Variants in METTL26 observed in about 807,000 individuals in gnomAD.
METTL26 encodes the protein methyltransferase like 26, also known as methyltransferase-like 26.
Under a neutral mutation model 24.7 loss-of-function variants are expected in METTL26, and 28 were observed. The observed-to-expected ratio is 1.13, with a 90% CI of 0.84 to 1.55. METTL26 has a LOEUF of 1.55. Among genes scored for constraint, METTL26 ranks in the 40% most tolerant of loss-of-function variants. The pLI is 0.00. For missense variants in METTL26, 344 were observed against 281.2 expected (o/e 1.22, Z -1.60); for synonymous variants, 165 against 125.2 (o/e 1.32, Z -2.12).
rs1330998977 is a variant in METTL26, at chr16:634,967, G to A, written c.421-11C>T. 3 of 1,594,630 alleles carry A rather than the reference G, an allele frequency of 1.9e-6. No homozygotes were observed. The highest frequency in any genetic ancestry group is 1.1e-5 in the South Asian group (1 of 88,422). ...ATTGATGGCATAGGGCTGTGGGCAT[G>A]GGGACACAGCCCACTGGACCAAGGT... On this transcript the variant is annotated splice_polypyrimidine_tract_variant and intron_variant, in intron 3 of 5. Transcript: ENST00000301686.
chr16:636,078 G>A lies in METTL26; in HGVS notation c.197+16C>T, dbSNP rs1383488501. 3 of 1,406,856 alleles carry A rather than the reference G, an allele frequency of 2.1e-6. No homozygotes were observed. The highest frequency in any genetic ancestry group is 2.8e-6 in the Non-Finnish European group (3 of 1,088,186). The allele number at this position is 1,406,856 out of a possible 1,614,324, so 87.1% of individuals were successfully genotyped here. A position where few individuals can be genotyped will look rare whatever the true frequency, so the allele number is the denominator to read the frequency against. ...GACCGCCGCACCGATAGAAGTGGCC[G>A]CCCCGGGGGCCGCACCTGTCCAGGC... On this transcript the variant is annotated intron_variant, in intron 1 of 5. Transcript: ENST00000301686.
At chr16:635,078 G>A (rs1315696307) in intron 3 of METTL26, 122 bp from the exon 4 acceptor site, 8 of 1,521,598 alleles carry the variant, frequency 5.3e-6, no homozygotes, top group African/African-American at 2.8e-5. Context: ...CCCCAAGAGG[G>A]AGTCAGCCAA....
rs1216499794 is a variant in METTL26, at chr16:635,305, G to T, written c.396C>A (p.Pro132=). 6.3e-7 allele frequency: 1 copy of T among 1,598,624 alleles called. No individual in the cohort carries two copies. The highest frequency in any genetic ancestry group is 2.3e-5 in the East Asian group (1 of 44,300). ...LFRAAGHLLK[P]RALLITYGPY... is the part of the protein sequence containing the mutation. ...CCCCGTAGGTGATGAGCAGGGCCCT[G>T]GGTTTGAGCAGGTGTCCTGCTGCTC... The change falls in exon 3 of 6, where the codon CCC becomes CCA. Residue 132 remains proline, a synonymous_variant. Transcript: ENST00000301686.
rs772923286 is a variant in METTL26, at chr16:635,311, G to A, written c.390C>T (p.Leu130=). 6 of 1,599,500 alleles carry A rather than the reference G, an allele frequency of 3.8e-6. No individual in the cohort carries two copies. The highest frequency in any genetic ancestry group is 5.1e-6 in the Non-Finnish European group (6 of 1,173,244). Residue 130 remains leucine (L), a synonymous_variant, in exon 3 of 6, where the codon CTC becomes CTT. Transcript: ENST00000301686. ...EGLFRAAGHL[L]KPRALLITYG... is the part of the protein sequence containing the mutation. ...AGGTGATGAGCAGGGCCCTGGGTTT[G>A]AGCAGGTGTCCTGCTGCTCTGAAGA... is the stretch of plus-strand genomic sequence containing the variant.
chr16:635,544 C>T (rs2037106995), intron 2 of METTL26, 68 bp downstream of exon 2: 1 of 1,458,356 alleles, frequency 6.9e-7, no homozygotes, highest in Non-Finnish European at 9.1e-7. Context: ...GCAAATCTGG[C>T]ATCCCAGCTG....
chr16:635,248 A>T (rs2037076594), intron 3 of METTL26, 33 bp downstream of exon 3: 7 of 1,546,970 alleles, frequency 4.5e-6, no homozygotes, highest in Non-Finnish European at 6.1e-6. Flanking sequence ...TAGGACTGGG[A>T]GCGGGAGGCC....
rs1194882157 is a variant in METTL26 at position 634,555 on chromosome 16, G to C, written c.*42C>G. On this transcript the variant is annotated 3_prime_UTR_variant, in exon 6 of 6. Coordinates refer to ENST00000301686, the MANE Select transcript of METTL26 (RefSeq NM_032366.5). ...GGAGGCAGGGTTCGTGCCTCACAGA[G>C]CCTCCGGCAGGGATGCAGGTGTGCG... 11 of 1,613,060 alleles carry C rather than the reference G, an allele frequency of 6.8e-6. No individual in the cohort carries two copies. The Admixed American group carries it at 1.7e-4, about 24-fold the overall frequency.
chr16:635,738 G>T lies in METTL26; in HGVS notation c.234C>A (p.Asn78Lys). The change falls in exon 2 of 6, where the codon AAC (asparagine) becomes AAA (lysine). Residue 78 changes from asparagine to lysine, a missense_variant. Transcript: ENST00000301686. The stretch of plus-strand genomic sequence containing the variant: ...CGTCCAGGTGTAGCGGGGCCTTCAC[G>T]TTGGTCAGGCCCTGGGCTTGCGTGG... Reference protein sequence around the residue: ...AATTQAQGLTNVKAPLHLDVT... With the variant: ...AATTQAQGLTKVKAPLHLDVT... 1 of 1,579,666 alleles carries T rather than the reference G, an allele frequency of 6.3e-7. No homozygotes were observed. Among genetic ancestry groups the T allele is most frequent in the East Asian group, 2.3e-5 (1 of 43,530 alleles).
Position 635,706 on chromosome 16 carries a change from C to A in METTL26, c.266G>T (p.Trp89Leu). The A allele has an allele frequency of 6.4e-7, 1 of 1,567,544 alleles. No homozygotes were observed. The highest frequency in any genetic ancestry group is 8.6e-7 in the Non-Finnish European group (1 of 1,157,394). ...VKAPLHLDVT[W>L]GWEHWGGILP... ...GATCCCGCCCCAGTGCTCCCAGCCCCACGTCACGTCCAGGTGTAGCGGGGC... is the reference window on the plus strand; with the variant it reads ...GATCCCGCCCCAGTGCTCCCAGCCCAACGTCACGTCCAGGTGTAGCGGGGC... The change falls in exon 2 of 6, where the codon TGG becomes TTG. Residue 89 changes from tryptophan to leucine, a missense_variant. By Grantham distance (61) the Trp-to-Leu change is moderately conservative. Transcript: ENST00000301686.
chr16:635,047 G>A (rs879158839), intron 3 of METTL26, 91 bp from the exon 4 acceptor site: 1 of 1,532,000 alleles, frequency 6.5e-7, no homozygotes, highest in Non-Finnish European at 8.7e-7. Context: ...TTTGGAGAAT[G>A]AAAGGGCACC....
intron 3 of METTL26, 47 bp from the exon 4 acceptor site, chr16:635,003 C>A: frequency 6.4e-7 from 1 of 1,556,396 alleles, no homozygotes; most frequent in Non-Finnish European, 8.7e-7. Flanking sequence ...CGGGGTATTT[C>A]CCAGAGAGCC....
At chr16:635,241 G>T (rs770267611) in intron 3 of METTL26, 40 bp downstream of exon 3, 15 of 1,540,662 alleles carry the variant, frequency 9.7e-6, no homozygotes, top group African/African-American at 1.4e-5. Context: ...CAGCAGCTAG[G>T]ACTGGGAGCG....
intron 4 of METTL26, 37 bp downstream of exon 4, chr16:634,845 AGCCACCT>A (rs753713053): frequency 6.3e-7 from 1 of 1,580,378 alleles, no homozygotes; most frequent in South Asian, 1.1e-5. Flanking sequence ...GTGCCACCCA[AGCCACCT>A]GCCACCTGAG....
rs1407076445 is a variant in METTL26 at position 636,200 on chromosome 16, C to G, written c.91G>C (p.Val31Leu). Residue 31 changes from valine (V) to leucine (L), a missense_variant, in exon 1 of 6, where the codon GTC becomes CTC. Physicochemically the swap from Val to Leu is conservative, Grantham distance 32. Transcript: ENST00000301686. ...CCGGAGCCCGAGGCCACCTCGAGGA[C>G]GCGGACGCCACGCTGGGCCGGATCC... ...YLDPAQRGVR[V>L]LEVASGSGQH... is the part of the protein sequence containing the mutation. 19 of 1,489,600 alleles carry G rather than the reference C, an allele frequency of 1.3e-5. No homozygotes were observed. The highest frequency in any genetic ancestry group is 4.7e-4 in the Middle Eastern group (2 of 4,256). The allele number at this position is 1,489,600 out of a possible 1,614,324, so 92.3% of individuals were successfully genotyped here.
rs977201860 is a variant in METTL26 at position 634,472 on chromosome 16, C to G, written c.*125G>C. ...TTTATTCTGAGCAGGCTGGGCCCTTCGGCCAGCGGCTGAGAGCACAGACTG... is the reference window on the plus strand; with the variant it reads ...TTTATTCTGAGCAGGCTGGGCCCTTGGGCCAGCGGCTGAGAGCACAGACTG... On this transcript the variant is annotated 3_prime_UTR_variant, in exon 6 of 6. Coordinates refer to ENST00000301686, the MANE Select transcript of METTL26 (RefSeq NM_032366.5). 1 of 1,567,160 alleles carries G rather than the reference C, an allele frequency of 6.4e-7. No individual in the cohort carries two copies. Among genetic ancestry groups the G allele is most frequent in the Non-Finnish European group, 8.8e-7 (1 of 1,139,622 alleles).
At chr16:635,219 C>A in intron 3 of METTL26, 62 bp downstream of exon 3, 1 of 1,512,472 alleles carries the variant, frequency 6.6e-7, no homozygotes, top group Non-Finnish European at 8.9e-7. Context: ...GGACTCTCAG[C>A]AGGGCAGGAG....
At chr16:635,157 G>T in intron 3 of METTL26, 124 bp downstream of exon 3, 2 of 1,476,548 alleles carry the variant, frequency 1.4e-6, no homozygotes, top group African/African-American at 1.4e-5. Context: ...GACTGGAAGT[G>T]GAGGGGAGGC....
chr16:634,529 G>T lies in METTL26; in HGVS notation c.*68C>A. 1 of 1,612,582 alleles carries T rather than the reference G, an allele frequency of 6.2e-7. No individual in the cohort carries two copies. Among genetic ancestry groups the T allele is most frequent in the South Asian group, 1.1e-5 (1 of 91,064 alleles). On this transcript the variant is annotated 3_prime_UTR_variant, in exon 6 of 6. Transcript: ENST00000301686. ...GCTGTCGTCCACAAGGTCCGGCCTA[G>T]GGAGGCAGGGTTCGTGCCTCACAGA...
Position 635,280 on chromosome 16 carries a change from C to T in METTL26, c.420+1G>A, listed in dbSNP as rs1231479166. The T allele has an allele frequency of 1.0e-5, 16 of 1,586,672 alleles. No homozygotes were observed. The highest frequency in any genetic ancestry group is 3.6e-5 in the Admixed American group (2 of 56,106). ...GGCCCGCCGTGGACAGGCCCACTCACCCCGTAGGTGATGAGCAGGGCCCTG... is the reference window on the plus strand; with the variant it reads ...GGCCCGCCGTGGACAGGCCCACTCATCCCGTAGGTGATGAGCAGGGCCCTG... On this transcript the variant is annotated splice_donor_variant, in intron 3 of 5. Coordinates refer to ENST00000301686, the MANE Select transcript of METTL26 (RefSeq NM_032366.5). LOFTEE classifies it high-confidence loss of function.
Sources: allele counts gnomAD v4.1 joint callset, GRCh38; gene constraint gnomAD v4.1.1; transcripts MANE v1.5; gene names NCBI Gene and HGNC (gene_info 2026-07-23, HGNC 2026-07-21).